The following COQ2 variants were observed in gnomAD, a reference collection of about 807,000 sequenced individuals.
COQ2 encodes 4-hydroxybenzoate polyprenyltransferase, mitochondrial.
COQ2 carries 25 observed loss-of-function variants against 35.7 expected under a neutral mutation model. That is an observed-to-expected ratio of 0.70 (90% CI 0.51 to 0.98). COQ2 has a LOEUF of 0.98. Among genes scored for constraint, COQ2 ranks in the 50% least tolerant of loss-of-function variants. The probability of loss-of-function intolerance (pLI) is 0.00; values close to 1 mark genes in which losing one functional copy is unlikely to be tolerated. For synonymous variants in COQ2, 206 were observed against 186.2 expected, an observed-to-expected ratio of 1.11 and a Z score of -0.86; for missense variants, 488 against 473.5, an observed-to-expected ratio of 1.03 and a Z score of -0.28.
intron 2 of COQ2, among the ~76,000 whole-genome samples, chr4:83,277,440 T>C (rs1560495228): frequency 6.6e-6 from 1 of 152,160 alleles, no homozygotes. Context: ...GCCATCCTAT[T>C]CTTTCAGAGT....
chr4:83,274,168 T>TA (rs1219906437), intron 2 of COQ2, among the ~76,000 whole-genome samples: 1 of 151,538 alleles, frequency 6.6e-6, no homozygotes, highest in Non-Finnish European at 1.5e-5. Context: ...AATAAATAAA[T>TA]AAAAAACAAA....
intron 4 of COQ2, among the ~76,000 whole-genome samples, 198 bp from the exon 5 acceptor site, chr4:83,270,191 T>G (rs1735013609): frequency 6.6e-6 from 1 of 150,748 alleles, no homozygotes. Flanking sequence ...CAAAACAAGC[T>G]CAGAGAGGTT....
chr4:83,264,833 C>T (rs899398717), intron 6 of COQ2, among the ~76,000 whole-genome samples: 6 of 152,112 alleles, frequency 3.9e-5, no homozygotes, highest in Non-Finnish European at 5.9e-5. Flanking sequence ...CAACTCCTAC[C>T]CTCCAGTTCT....
chr4:83,264,438 C>T (rs949521768), intron 6 of COQ2, 75 bp from the exon 7 acceptor site: 95 of 1,473,638 alleles, frequency 6.4e-5, no homozygotes, highest in Non-Finnish European at 7.3e-5. Context: ...CATGTTAACA[C>T]GGAGGAGAAA....
At chr4:83,280,898 A>C (rs1345684428) in intron 1 of COQ2, among the ~76,000 whole-genome samples, 1 of 152,214 alleles carries the variant, frequency 6.6e-6, no homozygotes, top group Non-Finnish European at 1.5e-5. Flanking sequence ...CAGTGTTCTA[A>C]ATGCTTTATA....
chr4:83,264,415 C>A (rs1426961564), intron 6 of COQ2, 52 bp from the exon 7 acceptor site: 6 of 1,516,086 alleles, frequency 4.0e-6, no homozygotes, highest in South Asian at 2.7e-5. Context: ...GACTTTGGGT[C>A]ATAACAAATA....
intron 3 of COQ2, 146 bp downstream of exon 3, chr4:83,273,350 G>T: frequency 1.4e-6 from 1 of 721,384 alleles, no homozygotes; most frequent in Non-Finnish European, 2.2e-6. Context: ...TTAAAAATGT[G>T]TGGTGAGTTA....
intron 2 of COQ2, among the ~76,000 whole-genome samples, chr4:83,277,409 C>T (rs1735208710): frequency 6.6e-6 from 1 of 152,162 alleles, no homozygotes; most frequent in South Asian, 2.1e-4. Flanking sequence ...ACACCTTCAC[C>T]CTCTAGCCCA....
At chr4:83,278,840 T>C in intron 2 of COQ2, 108 bp downstream of exon 2, 1 of 1,191,470 alleles carries the variant, frequency 8.4e-7, no homozygotes, top group Non-Finnish European at 1.1e-6. Context: ...TGGATTTCTG[T>C]GGTCACTGAA....
rs754803573 is a variant in COQ2, at chr4:83,284,786, A to C, written c.-22T>G. The C allele has an allele frequency of 9.6e-6, 15 of 1,566,428 alleles. No individual in the cohort carries two copies. In the South Asian group the frequency reaches 1.6e-4, roughly 17 times the overall value. ...GCATGGCGCTGGTGAGGCCGGGACG[A>C]GCTCGGATTGACGTCATTCCCCGGC... On this transcript the variant is annotated 5_prime_UTR_variant, in exon 1 of 7. Transcript: ENST00000647002.
rs868158482 is a variant in COQ2 at position 83,284,539 on chromosome 4, G to C, written c.226C>G (p.Arg76Gly). The C allele has an allele frequency of 2.5e-6, 4 of 1,575,430 alleles. No homozygotes were observed. Among genetic ancestry groups the C allele is most frequent in the South Asian group, 1.2e-5 (1 of 86,262 alleles). Reference sequence around the variant, plus strand: ...ATGGGCTTGTCCAACCGCATGAGGCGCAAGTACGGCTGCAGGGGGCGGGGC... The same window carrying C: ...ATGGGCTTGTCCAACCGCATGAGGCCCAAGTACGGCTGCAGGGGGCGGGGC... Reference protein sequence around the residue: ...SAPRPLQPYLRLMRLDKPIGT... With the variant: ...SAPRPLQPYLGLMRLDKPIGT... Residue 76 changes from arginine (R) to glycine (G), a missense_variant, in exon 1 of 7, where the codon CGC becomes GGC. By Grantham distance (125) the Arg-to-Gly change is moderately radical. Coordinates refer to ENST00000647002, the MANE Select transcript of COQ2 (RefSeq NM_001358921.2).
At chr4:83,284,219 TGCAGACAGACGTGAAACTG>T in intron 1 of COQ2, 2 of 985,472 alleles carry the variant, frequency 2.0e-6, no homozygotes, top group Non-Finnish European at 2.4e-6. Context: ...GTGCTCAGGA[TGCAGACAGACGTGAAACTG>T]GCGGGTCCTT....
Position 83,278,933 on chromosome 4 carries a change from T to A in COQ2, c.420+15A>T, listed in dbSNP as rs1192051940. 1.9e-6 allele frequency: 3 copies of A among 1,559,198 alleles called. No homozygotes were observed. The highest frequency in any genetic ancestry group is 1.7e-4 in the Middle Eastern group (1 of 5,940). On this transcript the variant is annotated intron_variant, in intron 2 of 6. Transcript: ENST00000647002. ...TTGAGAAGAGCCTCTCTATTCCTTT[T>A]CAGGATGAAATTACCTTTTTATCAT... is the stretch of plus-strand genomic sequence containing the variant.
chr4:83,273,547 C>T lies in COQ2; in HGVS notation c.491G>A (p.Gly164Glu), dbSNP rs1208562247. The T allele has an allele frequency of 1.9e-6, 3 of 1,613,530 alleles. No individual in the cohort carries two copies. The highest frequency in any genetic ancestry group is 1.3e-5 in the African/African-American group (1 of 74,844). ...ACCCAGTGCCAGGGTTAGCTGTCCCCCAAGAAAAACAAAGGACTGAAAAGT... is the reference window on the plus strand; with the variant it reads ...ACCCAGTGCCAGGGTTAGCTGTCCCTCAAGAAAAACAAAGGACTGAAAAGT... ...ISTFQSFVFL[G>E]GQLTLALGVL... Residue 164 changes from glycine (G) to glutamate (E), a missense_variant, in exon 3 of 7, where the codon GGG becomes GAG. Gly to Glu is a moderately conservative substitution (Grantham distance 98). Coordinates refer to ENST00000647002, the MANE Select transcript of COQ2 (RefSeq NM_001358921.2).
chr4:83,281,792 T>G (rs1735330861), intron 1 of COQ2, among the ~76,000 whole-genome samples: 1 of 152,004 alleles, frequency 6.6e-6, no homozygotes, highest in South Asian at 2.1e-4. Flanking sequence ...AGAGAGGGAG[T>G]AATTGTGCCC....
At position 83,264,267 on chromosome 4, in the gene COQ2, CA is replaced by C. The variant is rs750710187; in HGVS notation, c.1047del (p.Asn351IlefsTer15). The C allele has an allele frequency of 2.2e-5, 35 of 1,610,802 alleles. No individual in the cohort carries two copies. The highest frequency in any genetic ancestry group is 2.9e-5 in the Non-Finnish European group (34 of 1,178,734). ...LGLIVFLGIV[L>X]GNLWKEKKTD... Reference sequence around the variant, plus strand: ...GTCTTCTTTTCTTTCCACAAATTCCCAAGGACAATCCCTAAAAAAACTATTA... The same window carrying C: ...GTCTTCTTTTCTTTCCACAAATTCCCAGGACAATCCCTAAAAAAACTATTA... On this transcript the variant is annotated frameshift_variant, in exon 7 of 7. Transcript: ENST00000647002. LOFTEE classifies it high-confidence loss of function.
intron 6 of COQ2, among the ~76,000 whole-genome samples, chr4:83,265,145 C>T (rs756733209): frequency 1.3e-5 from 2 of 152,188 alleles, no homozygotes; most frequent in South Asian, 2.1e-4. Context: ...GGAAGTCTCA[C>T]GTATGTTCCT....
rs1167939334 is a variant in COQ2, at chr4:83,284,797, A to T, written c.-33T>A. On this transcript the variant is annotated 5_prime_UTR_variant, in exon 1 of 7. Transcript: ENST00000647002. ...GTGAGGCCGGGACGAGCTCGGATTG[A>T]CGTCATTCCCCGGCAGGCATGCGCA... 6.4e-7 allele frequency: 1 copy of T among 1,570,198 alleles called. No individual in the cohort carries two copies. Among genetic ancestry groups the T allele is most frequent in the Non-Finnish European group, 8.6e-7 (1 of 1,165,296 alleles).
chr4:83,266,643 C>T (rs1171069621), intron 6 of COQ2: 1 of 153,530 alleles, frequency 6.5e-6, no homozygotes, highest in Non-Finnish European at 1.5e-5. Context: ...ATAACAATAA[C>T]ACTGATATAA....
Sources: allele counts gnomAD v4.1 joint callset (sites outside exome capture counted in the v4.1 genomes callset), GRCh38; gene constraint gnomAD v4.1.1; transcripts MANE v1.5; gene names NCBI Gene and HGNC (gene_info 2026-07-23, HGNC 2026-07-21).